Variants in LAMA2 observed in about 807,000 individuals in gnomAD.
LAMA2 encodes laminin subunit alpha 2, also known as laminin subunit alpha-2.
Under a neutral mutation model 364.8 loss-of-function variants are expected in LAMA2, and 269 were observed. The ratio of observed to expected loss-of-function variants is 0.74; its 90% CI spans 0.67 to 0.82. The LOEUF is 0.82. Ranked by LOEUF, LAMA2 falls within the 40% of genes least tolerant of loss-of-function variation. LAMA2 has a pLI of 0.00. For synonymous variants in LAMA2, 1,379 were observed against 1,370.6 expected (o/e 1.01, Z -0.14); for missense variants, 3,807 against 3,873.2 (o/e 0.98, Z 0.45).
intron 2 of LAMA2, among the ~76,000 whole-genome samples, chr6:129,059,151 T>C (rs1041811695): frequency 2.0e-5 from 3 of 152,222 alleles, no homozygotes; most frequent in Non-Finnish European, 4.4e-5. Flanking sequence ...GTAAAACTTA[T>C]TTCAGCATTT....
chr6:129,259,156 G>T (rs2114314505), intron 14 of LAMA2, among the ~76,000 whole-genome samples: 1 of 152,158 alleles, frequency 6.6e-6, no homozygotes, highest in African/African-American at 2.4e-5. Flanking sequence ...AGCAAAGTGG[G>T]GGTAAAAGCA....
intron 3 of LAMA2, among the ~76,000 whole-genome samples, chr6:129,091,461 T>C (rs1401022153): frequency 6.6e-6 from 1 of 152,158 alleles, no homozygotes; most frequent in African/African-American, 2.4e-5. Flanking sequence ...CTTTTTCTCT[T>C]ATAATACAGG....
At chr6:128,964,677 G>A (rs1781732179) in intron 1 of LAMA2, among the ~76,000 whole-genome samples, 1 of 152,006 alleles carries the variant, frequency 6.6e-6, no homozygotes, top group African/African-American at 2.4e-5. Flanking sequence ...AACCTTAAAT[G>A]TTTCACAGAT....
chr6:129,437,501 C>T (rs948633758), intron 41 of LAMA2, among the ~76,000 whole-genome samples: 2 of 151,924 alleles, frequency 1.3e-5, no homozygotes, highest in Admixed American at 1.3e-4. Context: ...TGGTCCTCCT[C>T]ACTTGGGGAC....
intron 51 of LAMA2, among the ~76,000 whole-genome samples, chr6:129,465,822 C>G (rs548789456): frequency 6.6e-6 from 1 of 151,910 alleles, no homozygotes; most frequent in South Asian, 2.1e-4. Context: ...GTATTTTGTT[C>G]CAGTGTTAGA....
chr6:129,265,314 G>A (rs1296676741), intron 15 of LAMA2, among the ~76,000 whole-genome samples: 6 of 152,106 alleles, frequency 3.9e-5, no homozygotes, highest in Non-Finnish European at 4.4e-5. Context: ...CTAAAAGAGA[G>A]GTGTAAGGAG....
chr6:128,966,464 A>G (rs1781847672), intron 1 of LAMA2, among the ~76,000 whole-genome samples: 1 of 152,130 alleles, frequency 6.6e-6, no homozygotes, highest in South Asian at 2.1e-4. Context: ...CCTTAAAATA[A>G]CAAAATAAAA....
At chr6:129,419,712 T>G (rs193291875) in intron 40 of LAMA2, among the ~76,000 whole-genome samples, 112 of 152,292 alleles carry the variant, frequency 7.4e-4, no homozygotes, top group African/African-American at 2.6e-3. Flanking sequence ...GGATTTCCTA[T>G]TTTATCACTG....
At chr6:129,374,899 T>G (rs1026729375) in intron 34 of LAMA2, among the ~76,000 whole-genome samples, 1 of 151,910 alleles carries the variant, frequency 6.6e-6, no homozygotes, top group African/African-American at 2.4e-5. Context: ...TGCCAATCTT[T>G]GTTATGCTCC....
chr6:128,953,002 T>C (rs1349847360), intron 1 of LAMA2, among the ~76,000 whole-genome samples: 1 of 152,184 alleles, frequency 6.6e-6, no homozygotes, highest in African/African-American at 2.4e-5. Flanking sequence ...TAGGACCTGG[T>C]CCTTAGCAGT....
intron 42 of LAMA2, among the ~76,000 whole-genome samples, chr6:129,439,825 C>CAT (rs5879948): frequency 0.14 from 17,526 of 123,384 alleles, 1,340 homozygotes; most frequent in African/African-American, 0.21. Context: ...ATCAATTGGT[C>CAT]ATATATATAT....
chr6:129,175,289 T>C (rs1780506466), intron 9 of LAMA2, among the ~76,000 whole-genome samples: 1 of 152,208 alleles, frequency 6.6e-6, no homozygotes. Flanking sequence ...GGCAAATCAC[T>C]TAATTTCTCC....
chr6:129,090,262 A>G (rs994038414), intron 3 of LAMA2, among the ~76,000 whole-genome samples: 2 of 152,130 alleles, frequency 1.3e-5, no homozygotes, highest in African/African-American at 4.8e-5. Flanking sequence ...ACCCATCCAC[A>G]TCCTACTCCA....
chr6:129,304,189 T>C (rs1325155259), intron 22 of LAMA2, among the ~76,000 whole-genome samples: 4 of 152,230 alleles, frequency 2.6e-5, no homozygotes, highest in African/African-American at 9.6e-5. Flanking sequence ...ATAAATGTGA[T>C]AACTTGCATG....
At chr6:128,927,171 C>T (rs1779152689) in intron 1 of LAMA2, among the ~76,000 whole-genome samples, 1 of 152,152 alleles carries the variant, frequency 6.6e-6, no homozygotes, top group African/African-American at 2.4e-5. Flanking sequence ...GGTCAACACA[C>T]CACTCTCCCT....
At chr6:129,396,989 CA>C (rs60077388) in intron 37 of LAMA2, among the ~76,000 whole-genome samples, 100,413 of 125,758 alleles carry the variant, frequency 0.8, 38,744 homozygotes, top group East Asian at 0.88. Flanking sequence ...GACAGTGTCT[CA>C]AAAAAAAAAA....
At chr6:129,493,632 A>T (rs1785001009) in intron 58 of LAMA2, among the ~76,000 whole-genome samples, 1 of 152,254 alleles carries the variant, frequency 6.6e-6, no homozygotes. Context: ...CTATGTAGTA[A>T]TGATAATAAT....
In LAMA2 at chr6:129,391,673, T is replaced by C; in HGVS notation, c.5234+20T>C. ...GTTGGTGTGAGTAGATGAGTTATTATTTTTTCTTTTGACAAACTGAGATTT... is the reference window on the plus strand; with the variant it reads ...GTTGGTGTGAGTAGATGAGTTATTACTTTTTCTTTTGACAAACTGAGATTT... On this transcript the variant is annotated intron_variant, in intron 36 of 64. Coordinates refer to ENST00000421865, the MANE Select transcript of LAMA2 (RefSeq NM_000426.4). The C allele has an allele frequency of 6.2e-7, 1 of 1,605,388 alleles. No individual in the cohort carries two copies. Among genetic ancestry groups the C allele is most frequent in the Non-Finnish European group, 8.5e-7 (1 of 1,172,674 alleles).
rs759208547 is a variant in LAMA2 at position 129,440,976 on chromosome 6, G to A, written c.6246G>A (p.Val2082=). The change falls in exon 43 of 65, where the codon GTG becomes GTA. Residue 2082 remains valine (V), a synonymous_variant. Coordinates refer to ENST00000421865, the MANE Select transcript of LAMA2 (RefSeq NM_000426.4). ...LADSVAKTNA[V]VKDPSKNKII... ...ACAGCGTCGCCAAAACGAATGCTGTGGTTAAAGATCCTTCCAAGAACAGTA... is the reference window on the plus strand; with the variant it reads ...ACAGCGTCGCCAAAACGAATGCTGTAGTTAAAGATCCTTCCAAGAACAGTA... The A allele has an allele frequency of 2.5e-6, 4 of 1,613,424 alleles. No individual in the cohort carries two copies. Among genetic ancestry groups the A allele is most frequent in the African/African-American group, 1.3e-5 (1 of 74,878 alleles).
Sources: gnomAD v4.1 joint callset for allele counts (sites outside exome capture counted in the v4.1 genomes callset) on GRCh38, gnomAD v4.1.1 for gene constraint, MANE v1.5 for transcripts, NCBI Gene and HGNC (gene_info 2026-07-23, HGNC 2026-07-21) for gene names.